The following DCT variants were observed in gnomAD, a reference collection of about 807,000 sequenced individuals.
DCT encodes the protein L-dopachrome tautomerase.
In DCT, 47 loss-of-function variants were observed where a neutral mutation model predicts 53.0. The observed-to-expected ratio is 0.89, with a 90% confidence interval of 0.70 to 1.13. The LOEUF (loss-of-function observed/expected upper bound fraction) is 1.13. DCT is among the 50% of genes most tolerant of loss of function. The pLI is 0.00. For missense variants in DCT, 669 were observed against 637.4 expected (o/e 1.05, Z -0.53); for synonymous variants, 244 against 237.0 (o/e 1.03, Z -0.27).
At chr13:94,489,998 G>C in the DCT span, among the ~76,000 whole-genome samples, 1 of 152,028 alleles carries the variant, frequency 6.6e-6, no homozygotes, top group Non-Finnish European at 1.5e-5. Flanking sequence ...TGGAACTTAG[G>C]AATCTCACTA....
At chr13:94,548,718 A>C in the DCT span, among the ~76,000 whole-genome samples, 1 of 151,138 alleles carries the variant, frequency 6.6e-6, no homozygotes, top group East Asian at 1.9e-4. Context: ...ACACGTGAAA[A>C]CAAAAAAAAA....
intron 2 of DCT, chr13:94,467,156 C>T (rs748657423): frequency 2.0e-5 from 3 of 152,290 alleles, no homozygotes; most frequent in Non-Finnish European, 4.4e-5. Flanking sequence ...AGAACTTTCG[C>T]GTATTTTGCC....
At chr13:94,483,286 C>CA (rs148354799), upstream of DCT, among the ~76,000 whole-genome samples, 4,903 of 150,226 alleles carry the variant, frequency 0.033, 110 homozygotes, top group Non-Finnish European at 0.044. Context: ...AATAAATAAA[C>CA]AAAAAAAAGT....
At chr13:94,526,868 C>A in the DCT span, among the ~76,000 whole-genome samples, 3 of 151,990 alleles carry the variant, frequency 2.0e-5, no homozygotes, top group South Asian at 4.1e-4. Flanking sequence ...CTTTCCTAGC[C>A]AAGGGAAGCC....
intron 1 of DCT, among the ~76,000 whole-genome samples, chr13:94,476,478 T>C (rs560289229): frequency 1.9e-3 from 275 of 148,048 alleles, no homozygotes; most frequent in African/African-American, 6.4e-3. Context: ...TCTTTTTTTT[T>C]TTTTTTTTTT....
chr13:94,455,356 T>C (rs1883340209), intron 6 of DCT, among the ~76,000 whole-genome samples: 1 of 142,024 alleles, frequency 7.0e-6, no homozygotes, highest in Non-Finnish European at 1.5e-5. Context: ...CATTTCAGCC[T>C]GGGCAACAGA....
the DCT span, among the ~76,000 whole-genome samples, chr13:94,490,624 T>C: frequency 6.6e-6 from 1 of 151,482 alleles, no homozygotes; most frequent in Non-Finnish European, 1.5e-5. Flanking sequence ...TTACTTTTCA[T>C]GGACCACGTG....
Position 94,465,680 on chromosome 13 carries a change from C to T in DCT, c.816G>A (p.Leu272=). Reference sequence around the variant, plus strand: ...TGGAGAATCTTGAGTTCCGACTAATCAGAGTCGGATCGTCTGGTCTCGCTG... The same window carrying T: ...TGGAGAATCTTGAGTTCCGACTAATTAGAGTCGGATCGTCTGGTCTCGCTG... The part of the protein sequence containing the change: ...FGAARPDDPT[L]ISRNSRFSSW... The change falls in exon 4 of 8, where the codon CTG becomes CTA. Residue 272 remains leucine, a synonymous_variant. Coordinates refer to ENST00000377028, the MANE Select transcript of DCT (RefSeq NM_001922.5). 1 of 1,613,546 alleles carries T rather than the reference C, an allele frequency of 6.2e-7. No homozygotes were observed. The highest frequency in any genetic ancestry group is 8.5e-7 in the Non-Finnish European group (1 of 1,179,856).
chr13:94,546,460 C>G, the DCT span, among the ~76,000 whole-genome samples: 2 of 152,128 alleles, frequency 1.3e-5, no homozygotes, highest in African/African-American at 2.4e-5. This position sits in a 1 kb window ranked among gnomAD's most constrained non-coding sequence, Gnocchi z 4.2. Flanking sequence ...TGATTACCAT[C>G]TGTCCTTACC....
At chr13:94,527,442 G>A in the DCT span, among the ~76,000 whole-genome samples, 1 of 152,188 alleles carries the variant, frequency 6.6e-6, no homozygotes, top group Non-Finnish European at 1.5e-5. Flanking sequence ...GGAAGGATCA[G>A]GCAGCAATAT....
chr13:94,446,633 T>C (rs1407130458), intron 6 of DCT, among the ~76,000 whole-genome samples: 1 of 152,216 alleles, frequency 6.6e-6, no homozygotes, highest in Non-Finnish European at 1.5e-5. Context: ...CAGGCATTTG[T>C]CTTACGGTTG....
chr13:94,526,221 C>T, the DCT span, among the ~76,000 whole-genome samples: 1 of 152,158 alleles, frequency 6.6e-6, no homozygotes, highest in Non-Finnish European at 1.5e-5. Context: ...ATCTACTGAG[C>T]CAGTACTTGA....
chr13:94,542,862 T>C, the DCT span, among the ~76,000 whole-genome samples: 3 of 151,986 alleles, frequency 2.0e-5, no homozygotes, highest in South Asian at 6.3e-4. Flanking sequence ...AACACACCCA[T>C]GTTCACACAC....
chr13:94,546,605 A>C, the DCT span, among the ~76,000 whole-genome samples: 11 of 152,084 alleles, frequency 7.2e-5, no homozygotes, highest in East Asian at 2.1e-3. This position sits in a 1 kb window ranked among gnomAD's most constrained non-coding sequence, Gnocchi z 4.2. Context: ...ACAGCAGGAG[A>C]GCCCCCCTCC....
the DCT span, among the ~76,000 whole-genome samples, chr13:94,534,174 A>G: frequency 6.6e-6 from 1 of 151,524 alleles, no homozygotes; most frequent in African/African-American, 2.4e-5. Context: ...TATATAATAA[A>G]TTAAATAACC....
At chr13:94,498,645 T>G in the DCT span, among the ~76,000 whole-genome samples, 1 of 152,234 alleles carries the variant, frequency 6.6e-6, no homozygotes, top group South Asian at 2.1e-4. Context: ...TACAGTAATT[T>G]GTTACAGCAG....
chr13:94,453,057 A>T (rs1883197543), intron 6 of DCT, among the ~76,000 whole-genome samples: 4 of 152,172 alleles, frequency 2.6e-5, no homozygotes, highest in Admixed American at 2.6e-4. Context: ...GCAACAACCT[A>T]AAAATTAAAT....
intron 5 of DCT, among the ~76,000 whole-genome samples, chr13:94,460,616 A>C (rs1239979203): frequency 6.6e-6 from 1 of 152,052 alleles, no homozygotes; most frequent in African/African-American, 2.4e-5. Context: ...TTTCTCAACC[A>C]AATAGACCTT....
intron 1 of DCT, among the ~76,000 whole-genome samples, chr13:94,471,402 G>A (rs1365125929): frequency 6.6e-6 from 1 of 152,032 alleles, no homozygotes; most frequent in African/African-American, 2.4e-5. Context: ...TTGAAAAAAG[G>A]AAAAATTCTA....
Sources: allele counts gnomAD v4.1 joint callset (sites outside exome capture counted in the v4.1 genomes callset), GRCh38; gene constraint gnomAD v4.1.1; non-coding constraint Gnocchi (gnomAD v3.1); transcripts MANE v1.5; gene names NCBI Gene and HGNC (gene_info 2026-07-23, HGNC 2026-07-21).